Variants in CSF2RB observed in about 807,000 individuals in gnomAD.
CSF2RB encodes the protein colony stimulating factor 2 receptor subunit beta.
In CSF2RB, 22 loss-of-function variants were observed where a neutral mutation model predicts 67.2. The ratio of observed to expected loss-of-function variants is 0.33; its 90% CI spans 0.23 to 0.47. CSF2RB has a LOEUF of 0.47. Ranked by LOEUF, CSF2RB falls within the 20% of genes least tolerant of loss-of-function variation. CSF2RB has a pLI of 1.00. For missense variants in CSF2RB, 1,113 were observed against 1,174.5 expected (o/e 0.95, Z 0.76); for synonymous variants, 507 against 482.9 (o/e 1.05, Z -0.65).
intron 1 of CSF2RB, among the ~76,000 whole-genome samples, chr22:36,920,823 A>G (rs561342295): frequency 4.6e-5 from 7 of 152,274 alleles, no homozygotes; most frequent in African/African-American, 1.4e-4. Context: ...TTATTTGGGG[A>G]ATGGTGTAAA....
intron 3 of CSF2RB, among the ~76,000 whole-genome samples, chr22:36,924,070 G>A (rs2145788233): frequency 6.6e-6 from 1 of 152,220 alleles, no homozygotes; most frequent in South Asian, 2.1e-4. Context: ...ACAACCCATT[G>A]GAGGTCACCC....
intron 8 of CSF2RB, among the ~76,000 whole-genome samples, chr22:36,932,426 C>T (rs1941163772): frequency 9.1e-6 from 1 of 110,162 alleles, no homozygotes; most frequent in African/African-American, 3.2e-5. Context: ...CAGAGTGAGA[C>T]TCCGTCTCAA....
intron 10 of CSF2RB, 109 bp from the exon 11 acceptor site, chr22:36,935,242 C>T (rs1941241233): frequency 3.1e-6 from 3 of 977,210 alleles, no homozygotes; most frequent in African/African-American, 1.6e-5. Flanking sequence ...GAGCCCTGGG[C>T]CTGCACAGAG....
At chr22:36,935,480 C>A (rs763361455) in intron 11 of CSF2RB, 39 bp downstream of exon 11, 7 of 1,608,696 alleles carry the variant, frequency 4.4e-6, no homozygotes, top group Non-Finnish European at 6.0e-6. Context: ...GCAGCCGAGA[C>A]CCCAGAGGGC....
Position 36,935,625 on chromosome 22 carries a change from T to C in CSF2RB, c.1407-5T>C. The C allele has an allele frequency of 6.2e-7, 1 of 1,614,204 alleles. No homozygotes were observed. Among genetic ancestry groups the C allele is most frequent in the Non-Finnish European group, 8.5e-7 (1 of 1,180,042 alleles). On this transcript the variant is annotated splice_region_variant and splice_polypyrimidine_tract_variant and intron_variant, in intron 11 of 13. Transcript: ENST00000403662. ...GATGGCTGTCACCTCCGTGGTGTCTTCCAGGCTGCGCAGAAAGTGGGAGGA... is the reference window on the plus strand; with the variant it reads ...GATGGCTGTCACCTCCGTGGTGTCTCCCAGGCTGCGCAGAAAGTGGGAGGA...
Position 36,937,849 on chromosome 22 carries a change from C to T in CSF2RB, c.2041C>T (p.Pro681Ser). 1.9e-6 allele frequency: 3 copies of T among 1,613,414 alleles called. No individual in the cohort carries two copies. Among genetic ancestry groups the T allele is most frequent in the South Asian group, 2.2e-5 (2 of 90,966 alleles). Residue 681 changes from proline to serine, a missense_variant, in exon 14 of 14, where the codon CCA becomes TCA. Pro to Ser is a moderately conservative substitution (Grantham distance 74, BLOSUM62 -1). Coordinates refer to ENST00000403662, the MANE Select transcript of CSF2RB (RefSeq NM_000395.3). The surrounding 1 kb of genome is among the most constrained non-coding windows in gnomAD (Gnocchi z 4.6). ...AGGCCCTGCCCCTCCTGCTCTTGGG[C>T]CAAGGGTGGGAGGACAGGACCAAAA... is the stretch of plus-strand genomic sequence containing the variant. Reference protein sequence around the residue: ...GGGPAPPALGPRVGGQDQKDS... With the variant: ...GGGPAPPALGSRVGGQDQKDS...
Position 36,932,822 on chromosome 22 carries a change from G to T in CSF2RB, c.1070G>T (p.Arg357Leu). ...VTKDGDSYSL[R>L]WETMKMRYEH... ...AAGGATGGAGACAGCTACAGCCTGC[G>T]CTGGGAAACAATGAAAATGCGATAC... The change falls in exon 9 of 14, where the codon CGC (arginine) becomes CTC (leucine). Residue 357 changes from arginine (R) to leucine (L), a missense_variant. By Grantham distance (102) the Arg-to-Leu change is moderately radical (BLOSUM62 -2). This residue lies in a region of CSF2RB where 559 missense variants were observed against 656.5 expected (regional missense o/e 0.85). Transcript: ENST00000403662. 1 of 1,614,102 alleles carries T rather than the reference G, an allele frequency of 6.2e-7. No individual in the cohort carries two copies. The highest frequency in any genetic ancestry group is 8.5e-7 in the Non-Finnish European group (1 of 1,180,010).
In CSF2RB at chr22:36,938,477, T is replaced by G; in HGVS notation, c.2669T>G (p.Val890Gly). ...QDYLSLPPWE[V>G]NKPGEVC Reference sequence around the variant, plus strand: ...TACCTGTCTCTGCCCCCTTGGGAGGTCAACAAGCCTGGGGAGGTGTGTTGA... The same window carrying G: ...TACCTGTCTCTGCCCCCTTGGGAGGGCAACAAGCCTGGGGAGGTGTGTTGA... Residue 890 changes from valine to glycine, a missense_variant, in exon 14 of 14, where the codon GTC (valine) becomes GGC (glycine). Transcript: ENST00000403662. 6.2e-7 allele frequency: 1 copy of G among 1,613,304 alleles called. No individual in the cohort carries two copies. Among genetic ancestry groups the G allele is most frequent in the South Asian group, 1.1e-5 (1 of 91,060 alleles).
chr22:36,939,985 G>A lies in CSF2RB; in HGVS notation c.*1483G>A, dbSNP rs1034768112. The A allele has an allele frequency of 6.6e-6, 1 of 152,176 alleles. No homozygotes were observed. The highest frequency in any genetic ancestry group is 1.5e-5 in the Non-Finnish European group (1 of 68,040). The allele number at this position is 152,176 out of a possible 1,614,324, so 9.4% of individuals were successfully genotyped here. A position where few individuals can be genotyped will look rare whatever the true frequency, so the allele number is the denominator to read the frequency against. Reference sequence around the variant, plus strand: ...AAATTTTAATTATTTTTGAATGTGTGGATGTGAGACTGAGGTGCCTTTTGG... The same window carrying A: ...AAATTTTAATTATTTTTGAATGTGTAGATGTGAGACTGAGGTGCCTTTTGG... On this transcript the variant is annotated 3_prime_UTR_variant, in exon 14 of 14. Coordinates refer to ENST00000403662, the MANE Select transcript of CSF2RB (RefSeq NM_000395.3).
Position 36,933,854 on chromosome 22 carries a change from A to G in CSF2RB, c.1175A>G (p.Gln392Arg). The change falls in exon 10 of 14, where the codon CAG (glutamine) becomes CGG (arginine). Residue 392 changes from glutamine (Q) to arginine (R), a missense_variant. Gln to Arg is a conservative substitution (Grantham distance 43, BLOSUM62 1). Around this residue, in one of 2 missense-constraint regions of CSF2RB, gnomAD observed 559 missense variants for 656.5 expected, o/e 0.85. Coordinates refer to ENST00000403662, the MANE Select transcript of CSF2RB (RefSeq NM_000395.3). ...CAGGACAGCAAGACCGAGACCCTCC[A>G]GAACGCCCACAGCATGGCCCTGCCA... ...TWKDSKTETL[Q>R]NAHSMALPAL... 1 of 1,609,724 alleles carries G rather than the reference A, an allele frequency of 6.2e-7. No homozygotes were observed. Among genetic ancestry groups the G allele is most frequent in the Non-Finnish European group, 8.5e-7 (1 of 1,179,748 alleles).
At chr22:36,914,642 G>A (rs1262260108) in intron 1 of CSF2RB, among the ~76,000 whole-genome samples, 1 of 152,128 alleles carries the variant, frequency 6.6e-6, no homozygotes, top group Non-Finnish European at 1.5e-5. Context: ...AGGTGCTAGC[G>A]ACAAGCTGCA....
At chr22:36,923,452 C>T in intron 3 of CSF2RB, 85 bp downstream of exon 3, 1 of 1,554,826 alleles carries the variant, frequency 6.4e-7, no homozygotes, top group South Asian at 1.2e-5. Context: ...AGAGAGGGAC[C>T]TGTCAGGTCA....
At chr22:36,917,337 T>C (rs769583477) in intron 1 of CSF2RB, among the ~76,000 whole-genome samples, 1 of 152,238 alleles carries the variant, frequency 6.6e-6, no homozygotes, top group African/African-American at 2.4e-5. Context: ...TGTTTTTGTC[T>C]GGAGTGAATT....
intron 10 of CSF2RB, among the ~76,000 whole-genome samples, chr22:36,934,690 A>G (rs1941230461): frequency 6.6e-6 from 1 of 152,164 alleles, no homozygotes; most frequent in African/African-American, 2.4e-5. Context: ...AGTGACCACC[A>G]GGCGACTCCC....
intron 4 of CSF2RB, among the ~76,000 whole-genome samples, chr22:36,928,329 C>A (rs1002565189): frequency 6.6e-6 from 1 of 152,064 alleles, no homozygotes; most frequent in African/African-American, 2.4e-5. Context: ...TGGCAGCTTC[C>A]GAGAGGGCTC....
intron 2 of CSF2RB, 41 bp from the exon 3 acceptor site, chr22:36,923,203 T>G (rs1232560855): frequency 6.2e-7 from 1 of 1,613,980 alleles, no homozygotes; most frequent in East Asian, 2.2e-5. Context: ...CAAGGGTCCC[T>G]GCAGGAAAGA....
chr22:36,925,041 G>A (rs1219845727), intron 3 of CSF2RB, among the ~76,000 whole-genome samples: 4 of 152,156 alleles, frequency 2.6e-5, no homozygotes, highest in African/African-American at 4.8e-5. Flanking sequence ...AGGTGTCTCC[G>A]ACTCCAAACG....
intron 1 of CSF2RB, among the ~76,000 whole-genome samples, chr22:36,913,885 G>T (rs1484948156): frequency 6.6e-6 from 1 of 152,128 alleles, no homozygotes; most frequent in Non-Finnish European, 1.5e-5. Flanking sequence ...GAGGCAGCCA[G>T]GGGTGCCAAG....
intron 10 of CSF2RB, 39 bp downstream of exon 10, chr22:36,934,033 C>A (rs1223444878): frequency 6.2e-7 from 1 of 1,608,530 alleles, no homozygotes; most frequent in Admixed American, 1.7e-5. Flanking sequence ...TGGCCAGGAC[C>A]AGCTCATAGT....
Sources: allele counts gnomAD v4.1 joint callset (sites outside exome capture counted in the v4.1 genomes callset), GRCh38; gene constraint gnomAD v4.1.1; regional missense constraint gnomAD v4.1.1; non-coding constraint Gnocchi (gnomAD v3.1); transcripts MANE v1.5; gene names NCBI Gene and HGNC (gene_info 2026-07-23, HGNC 2026-07-21).